PYHIN1: variants seen among roughly 807,000 people sequenced by gnomAD.
The protein encoded by PYHIN1 is pyrin and HIN domain family member 1.
PYHIN1 carries 32 observed loss-of-function variants against 43.7 expected under a neutral mutation model. That is an observed-to-expected ratio of 0.73 (90% CI 0.55 to 0.98). PYHIN1 has a LOEUF of 0.98. PYHIN1 is among the 50% of genes least tolerant of loss of function. The probability of loss-of-function intolerance (pLI) is 0.00; values close to 1 mark genes in which losing one functional copy is unlikely to be tolerated. For missense variants in PYHIN1, 588 were observed against 589.5 expected (o/e 1.00, Z 0.03); for synonymous variants, 205 against 203.1 (o/e 1.01, Z -0.08).
chr1:158,945,186 A>C, intron 7 of PYHIN1, 144 bp downstream of exon 7: 1 of 705,452 alleles, frequency 1.4e-6, no homozygotes, highest in Non-Finnish European at 2.3e-6. Flanking sequence ...TATTGAATGC[A>C]TACAGTGAGA....
chr1:158,959,118 C>G (rs1650168179), intron 7 of PYHIN1, among the ~76,000 whole-genome samples: 1 of 151,720 alleles, frequency 6.6e-6, no homozygotes, highest in African/African-American at 2.4e-5. Context: ...CCGTTGCACT[C>G]CCTTTGCAGC....
intron 7 of PYHIN1, among the ~76,000 whole-genome samples, chr1:158,968,218 G>C (rs994832015): frequency 6.6e-5 from 10 of 151,792 alleles, no homozygotes; most frequent in African/African-American, 1.9e-4. Context: ...CTGTTATCCA[G>C]AATCTATAAA....
At chr1:158,968,472 G>A (rs940838842) in intron 7 of PYHIN1, among the ~76,000 whole-genome samples, 1 of 152,008 alleles carries the variant, frequency 6.6e-6, no homozygotes, top group East Asian at 1.9e-4. Context: ...GCAGAGAAAA[G>A]GGAACACTTA....
At chr1:158,949,354 C>T (rs1270175766) in intron 7 of PYHIN1, among the ~76,000 whole-genome samples, 2 of 152,140 alleles carry the variant, frequency 1.3e-5, no homozygotes, top group Admixed American at 6.5e-5. Context: ...AAGTGGAATT[C>T]ATTACTTTCC....
At chr1:158,948,135 C>T (rs566752847) in intron 7 of PYHIN1, among the ~76,000 whole-genome samples, 7 of 152,234 alleles carry the variant, frequency 4.6e-5, no homozygotes, top group South Asian at 2.1e-4. Flanking sequence ...TTGGGTGGGG[C>T]GGTCATTGCT....
intron 7 of PYHIN1, among the ~76,000 whole-genome samples, chr1:158,963,064 T>A (rs1650418386): frequency 6.6e-6 from 1 of 152,102 alleles, no homozygotes; most frequent in Admixed American, 6.5e-5. Context: ...AGCCCCTAGT[T>A]GTGGCCAGCA....
At chr1:158,959,071 G>T (rs2101702832) in intron 7 of PYHIN1, among the ~76,000 whole-genome samples, 1 of 151,034 alleles carries the variant, frequency 6.6e-6, no homozygotes, top group South Asian at 2.1e-4. Context: ...CTGACTCACT[G>T]ACCGTGCAGT....
chr1:158,937,198 C>T, intron 2 of PYHIN1, 23 bp downstream of exon 2: 1 of 1,548,142 alleles, frequency 6.5e-7, no homozygotes, highest in Non-Finnish European at 8.7e-7. Context: ...AGGGAACACC[C>T]ACTCCCTGCA....
chr1:158,975,673 A>G (rs920922691), intron 8 of PYHIN1, among the ~76,000 whole-genome samples: 2 of 152,086 alleles, frequency 1.3e-5, no homozygotes, highest in South Asian at 2.1e-4. Context: ...TGTTCCAGGG[A>G]AAAAACGTGT....
chr1:158,968,039 G>A (rs755822240), intron 7 of PYHIN1, among the ~76,000 whole-genome samples: 3 of 151,928 alleles, frequency 2.0e-5, no homozygotes, highest in Non-Finnish European at 2.9e-5. Context: ...GCCTGGAAAA[G>A]ACTTCGTTTT....
At chr1:158,944,833 C>T (rs762276957) in intron 6 of PYHIN1, 42 bp from the exon 7 acceptor site, 3 of 1,420,812 alleles carry the variant, frequency 2.1e-6, no homozygotes, top group Middle Eastern at 1.9e-4. Flanking sequence ...TTTGCTTTCC[C>T]TAATATTAAA....
chr1:158,987,901 G>A, the PYHIN1 span, among the ~76,000 whole-genome samples: 4 of 152,118 alleles, frequency 2.6e-5, no homozygotes, highest in Non-Finnish European at 5.9e-5. Flanking sequence ...CATTTCATAT[G>A]ACTATGCCTT....
intron 7 of PYHIN1, among the ~76,000 whole-genome samples, chr1:158,960,902 A>G (rs949404224): frequency 5.3e-5 from 8 of 152,152 alleles, no homozygotes; most frequent in Middle Eastern, 3.2e-3. Context: ...GTAACTCAAG[A>G]TGTTTTTGTC....
chr1:158,963,969 C>T (rs1650475043), intron 7 of PYHIN1, among the ~76,000 whole-genome samples: 1 of 152,036 alleles, frequency 6.6e-6, no homozygotes, highest in Non-Finnish European at 1.5e-5. Flanking sequence ...TAAAACTCAG[C>T]TCAAGAAATC....
chr1:158,988,254 A>G, the PYHIN1 span, among the ~76,000 whole-genome samples: 1 of 152,162 alleles, frequency 6.6e-6, no homozygotes, highest in Non-Finnish European at 1.5e-5. Flanking sequence ...ATACTTAAAA[A>G]TGTGGAGATG....
chr1:158,943,728 C>T (rs1649056771), intron 5 of PYHIN1, 62 bp from the exon 6 acceptor site: 3 of 1,281,966 alleles, frequency 2.3e-6, no homozygotes, highest in Admixed American at 2.1e-5. Flanking sequence ...TCACAAGAGA[C>T]TTTCCTATAT....
chr1:158,956,222 A>G (rs1649919743), intron 7 of PYHIN1, among the ~76,000 whole-genome samples: 1 of 150,534 alleles, frequency 6.6e-6, no homozygotes, highest in Non-Finnish European at 1.5e-5. Flanking sequence ...CAATCAATAG[A>G]AAAAGAGGGA....
At chr1:158,934,840 A>G (rs1402645152) in intron 1 of PYHIN1, among the ~76,000 whole-genome samples, 1 of 152,150 alleles carries the variant, frequency 6.6e-6, no homozygotes, top group Non-Finnish European at 1.5e-5. Context: ...CTGTTGCCTC[A>G]GCCTCCTGAG....
In PYHIN1 at chr1:158,933,428, C is replaced by A. The variant is rs931836909; in HGVS notation, c.-21+1652C>A. On this transcript the variant is annotated intron_variant, in intron 1 of 8. Transcript: ENST00000368140. The surrounding 1 kb of genome is among the most constrained non-coding windows in gnomAD (Gnocchi z 6.3). ...TTTTACCATGTGGTATCTGATAATACTCTTTGTCTTAAGATCTTTTAAAAA... is the reference window on the plus strand; with the variant it reads ...TTTTACCATGTGGTATCTGATAATAATCTTTGTCTTAAGATCTTTTAAAAA... Among the ~76,000 whole-genome samples the A allele has an allele frequency of 9.2e-5, 14 of 151,636 alleles. No individual in the cohort carries two copies. The highest frequency in any genetic ancestry group is 3.1e-4 in the African/African-American group (13 of 41,364).
Sources: allele counts gnomAD v4.1 joint callset (sites outside exome capture counted in the v4.1 genomes callset), GRCh38; gene constraint gnomAD v4.1.1; non-coding constraint Gnocchi (gnomAD v3.1); transcripts MANE v1.5; gene names NCBI Gene and HGNC (gene_info 2026-07-23, HGNC 2026-07-21).